The following ASCC3 variants were observed in gnomAD, a reference collection of about 807,000 sequenced individuals.
ASCC3 encodes ASC-1 complex subunit P200.
Under a neutral mutation model 256.3 loss-of-function variants are expected in ASCC3, and 158 were observed. The ratio of observed to expected loss-of-function variants is 0.62; its 90% confidence interval spans 0.54 to 0.70. The LOEUF is 0.70. ASCC3 is among the 30% of genes least tolerant of loss of function. The pLI is 0.00. For missense variants in ASCC3, 2,259 were observed against 2,626.0 expected, an observed-to-expected ratio of 0.86 and a Z score of 3.05; for synonymous variants, 948 against 883.4, an observed-to-expected ratio of 1.07 and a Z score of -1.30.
chr6:100,767,432 G>T, intron 8 of ASCC3, 87 bp from the exon 9 acceptor site: 2 of 1,363,790 alleles, frequency 1.5e-6, no homozygotes, highest in Non-Finnish European at 2.1e-6. Flanking sequence ...TATTTCCTTT[G>T]TTTTTTAAAA....
chr6:100,530,314 T>C (rs1251132062), intron 37 of ASCC3: 3 of 1,438,232 alleles, frequency 2.1e-6, no homozygotes, highest in East Asian at 2.3e-5. Flanking sequence ...ATAAAGTTTG[T>C]CAGTTTATGA....
At chr6:100,750,844 C>T (rs13205141) in intron 10 of ASCC3, among the ~76,000 whole-genome samples, 2,531 of 152,050 alleles carry the variant, frequency 0.017, 33 homozygotes, top group Middle Eastern at 0.082. Context: ...GGTGACCACT[C>T]AAGTGTGTAG....
intron 22 of ASCC3, among the ~76,000 whole-genome samples, chr6:100,645,930 T>A (rs1775358237): frequency 6.6e-6 from 1 of 152,088 alleles, no homozygotes; most frequent in Non-Finnish European, 1.5e-5. Context: ...GAGAAAGTAG[T>A]CTCAGCAGCA....
intron 14 of ASCC3, among the ~76,000 whole-genome samples, chr6:100,676,042 C>A (rs2114957903): frequency 6.6e-6 from 1 of 151,930 alleles, no homozygotes; most frequent in African/African-American, 2.4e-5. Context: ...GCTGCTATTC[C>A]TTGAGGTATG....
chr6:100,534,948 T>A (rs1412195545), intron 37 of ASCC3, among the ~76,000 whole-genome samples: 1 of 152,156 alleles, frequency 6.6e-6, no homozygotes, highest in Non-Finnish European at 1.5e-5. Flanking sequence ...AGGGAATAGT[T>A]AAATTACTAT....
intron 4 of ASCC3, among the ~76,000 whole-genome samples, chr6:100,837,166 C>T (rs1771918305): frequency 6.6e-6 from 1 of 151,916 alleles, no homozygotes. Flanking sequence ...ATCAAAATGA[C>T]AATGAGGTAC....
chr6:100,651,722 T>C, intron 18 of ASCC3, 76 bp from the exon 19 acceptor site: 1 of 767,338 alleles, frequency 1.3e-6, no homozygotes, highest in Non-Finnish European at 1.9e-6. Context: ...GACTATAAAT[T>C]ACACATTTTA....
At chr6:100,822,566 A>AT (rs1398536168) in intron 4 of ASCC3, among the ~76,000 whole-genome samples, 2 of 151,598 alleles carry the variant, frequency 1.3e-5, no homozygotes, top group Non-Finnish European at 2.9e-5. Context: ...ATTAAATATA[A>AT]TTTTCCCTAA....
chr6:100,569,076 T>C (rs945924732), intron 36 of ASCC3, among the ~76,000 whole-genome samples: 3 of 152,078 alleles, frequency 2.0e-5, no homozygotes, highest in Non-Finnish European at 2.9e-5. Flanking sequence ...CAGAATGGGG[T>C]TCCCCAGGTT....
chr6:100,558,673 G>T (rs1466561232), intron 36 of ASCC3, among the ~76,000 whole-genome samples: 1 of 152,118 alleles, frequency 6.6e-6, no homozygotes, highest in African/African-American at 2.4e-5. Flanking sequence ...GACAACAAGA[G>T]ATGGCTTATT....
At chr6:100,613,834 A>G (rs1773529936) in intron 30 of ASCC3, among the ~76,000 whole-genome samples, 1 of 152,048 alleles carries the variant, frequency 6.6e-6, no homozygotes. Flanking sequence ...ATCCTCATAG[A>G]TGATAATAGC....
intron 8 of ASCC3, among the ~76,000 whole-genome samples, chr6:100,776,673 T>C (rs1782206257): frequency 6.6e-6 from 1 of 152,036 alleles, no homozygotes. Context: ...AACTGGATGA[T>C]AGTATTTAGC....
intron 5 of ASCC3, 145 bp from the exon 6 acceptor site, chr6:100,800,649 T>A: frequency 1.5e-6 from 1 of 679,064 alleles, no homozygotes; most frequent in Non-Finnish European, 2.5e-6. Flanking sequence ...TTATATGTTT[T>A]AAGGTGAGTT....
At chr6:100,539,937 T>C (rs1334350274) in intron 37 of ASCC3, among the ~76,000 whole-genome samples, 1 of 152,190 alleles carries the variant, frequency 6.6e-6, no homozygotes, top group Non-Finnish European at 1.5e-5. Flanking sequence ...ATCTGGCACG[T>C]AGTTTGCCTT....
chr6:100,677,678 C>T (rs1395530550), intron 14 of ASCC3, among the ~76,000 whole-genome samples: 2 of 151,000 alleles, frequency 1.3e-5, no homozygotes, highest in African/African-American at 4.9e-5. Context: ...TACTATCAGA[C>T]AAATACTCTA....
At chr6:100,524,709 T>C (rs1404478956) in intron 37 of ASCC3, among the ~76,000 whole-genome samples, 5 of 152,036 alleles carry the variant, frequency 3.3e-5, no homozygotes, top group African/African-American at 1.2e-4. Context: ...GGCTGTAGGG[T>C]GTATTCATGG....
At chr6:100,809,686 A>G (rs1212796073) in intron 4 of ASCC3, among the ~76,000 whole-genome samples, 2 of 152,116 alleles carry the variant, frequency 1.3e-5, no homozygotes, top group African/African-American at 4.8e-5. Flanking sequence ...AAATTTTGAT[A>G]ACTGATGGCC....
intron 36 of ASCC3, among the ~76,000 whole-genome samples, chr6:100,573,807 C>T (rs1455026333): frequency 1.3e-5 from 2 of 151,896 alleles, no homozygotes; most frequent in Non-Finnish European, 2.9e-5. Context: ...AGTAAAATAC[C>T]ATGGAAGTTT....
intron 30 of ASCC3, among the ~76,000 whole-genome samples, chr6:100,616,992 C>CGTTGTT (rs141000454): frequency 1.0e-3 from 153 of 151,208 alleles, no homozygotes; most frequent in African/African-American, 2.8e-3. Flanking sequence ...TTGTTGTTGT[C>CGTTGTT]GTTGTTGTTG....
Sources: gnomAD v4.1 joint callset for allele counts (sites outside exome capture counted in the v4.1 genomes callset) on GRCh38, gnomAD v4.1.1 for gene constraint, MANE v1.5 for transcripts, NCBI Gene and HGNC (gene_info 2026-07-23, HGNC 2026-07-21) for gene names.